Variants in ABI3BP observed in about 807,000 individuals in gnomAD.
The protein encoded by ABI3BP is ABI family member 3 binding protein.
ABI3BP carries 216 observed loss-of-function variants against 268.6 expected under a neutral mutation model. The ratio of observed to expected loss-of-function variants is 0.80; its 90% CI spans 0.72 to 0.90. ABI3BP has a LOEUF of 0.90. Ranked by LOEUF, ABI3BP falls within the 40% of genes least tolerant of loss-of-function variation. The pLI is 0.00. For synonymous variants in ABI3BP, 730 were observed against 730.0 expected (o/e 1.00, Z 0.00); for missense variants, 2,090 against 2,182.4 (o/e 0.96, Z 0.84).
intron 6 of ABI3BP, among the ~76,000 whole-genome samples, chr3:100,878,878 G>T (rs768089123): frequency 1.1e-4 from 17 of 152,028 alleles, no homozygotes; most frequent in Non-Finnish European, 1.8e-4. Flanking sequence ...TTTATTTTTT[G>T]CTATTTTTAA....
At chr3:100,900,808 G>A (rs2049953111) in intron 3 of ABI3BP, among the ~76,000 whole-genome samples, 1 of 152,154 alleles carries the variant, frequency 6.6e-6, no homozygotes, top group Non-Finnish European at 1.5e-5. Flanking sequence ...GTTATATCCT[G>A]AGCAAGATGA....
At chr3:100,887,121 C>A (rs994204989) in intron 4 of ABI3BP, among the ~76,000 whole-genome samples, 15 of 151,930 alleles carry the variant, frequency 9.9e-5, no homozygotes, top group African/African-American at 3.1e-4. Context: ...CTTAACTTGC[C>A]CAATATCACC....
intron 1 of ABI3BP, among the ~76,000 whole-genome samples, chr3:100,928,985 C>G (rs2062762479): frequency 6.6e-6 from 1 of 152,026 alleles, no homozygotes; most frequent in South Asian, 2.1e-4. Flanking sequence ...TCAATTTTTT[C>G]CCTTTTTAAT....
At chr3:100,760,933 A>G (rs1164239933) in intron 63 of ABI3BP, among the ~76,000 whole-genome samples, 1 of 151,946 alleles carries the variant, frequency 6.6e-6, no homozygotes, top group Non-Finnish European at 1.5e-5. Flanking sequence ...TTTGTTATGT[A>G]GGTAAACTCA....
intron 20 of ABI3BP, among the ~76,000 whole-genome samples, chr3:100,845,610 G>A (rs2098757114): frequency 6.7e-6 from 1 of 149,496 alleles, no homozygotes; most frequent in Admixed American, 6.7e-5. Context: ...ACATTATTGT[G>A]AGAAATAATT....
chr3:100,970,260 G>T (rs914163664), intron 1 of ABI3BP, among the ~76,000 whole-genome samples: 1 of 152,184 alleles, frequency 6.6e-6, no homozygotes, highest in Non-Finnish European at 1.5e-5. Context: ...ATTAGGCTTC[G>T]TACTCCATAA....
chr3:100,875,560 G>T lies in ABI3BP; in HGVS notation c.765C>A (p.His255Gln). 1 of 1,613,112 alleles carries T rather than the reference G, an allele frequency of 6.2e-7. No individual in the cohort carries two copies. The highest frequency in any genetic ancestry group is 8.5e-7 in the Non-Finnish European group (1 of 1,179,118). ...TTTCTGGGGATTTAGCTGAATCCTTGTGAGTAACATTCTGAATCACTGTTG... is the reference window on the plus strand; with the variant it reads ...TTTCTGGGGATTTAGCTGAATCCTTTTGAGTAACATTCTGAATCACTGTTG... ...IIKQVIQNVT[H>Q]KDSAKSPEKA... Residue 255 changes from histidine (H) to glutamine (Q), a missense_variant, in exon 8 of 68, where the codon CAC becomes CAA. His to Gln is a conservative substitution (Grantham distance 24). Transcript: ENST00000471714.
intron 55 of ABI3BP, among the ~76,000 whole-genome samples, chr3:100,792,296 G>A (rs923361825): frequency 6.6e-6 from 1 of 151,636 alleles, no homozygotes; most frequent in African/African-American, 2.4e-5. Flanking sequence ...ATTGGAGAAA[G>A]TGAGAAAAGG....
chr3:100,974,055 C>T (rs1246912196), intron 1 of ABI3BP, among the ~76,000 whole-genome samples: 1 of 151,964 alleles, frequency 6.6e-6, no homozygotes, highest in Non-Finnish European at 1.5e-5. Context: ...CAAAACTTAC[C>T]TGACTCTTTC....
At chr3:100,820,783 T>A (rs2098194488) in intron 39 of ABI3BP, among the ~76,000 whole-genome samples, 1 of 152,144 alleles carries the variant, frequency 6.6e-6, no homozygotes, top group Admixed American at 6.6e-5. Context: ...AACAAAAAAA[T>A]TGGTTAAAAA....
rs367723570 is a variant in ABI3BP at position 100,880,591 on chromosome 3, A to G, written c.697-4031T>C. Among the ~76,000 whole-genome samples, 66 of 152,210 alleles carry G rather than the reference A, an allele frequency of 4.3e-4. No homozygotes were observed. In the Middle Eastern group the frequency reaches 0.014, roughly 31 times the overall value. ...TGTGGCGAAGCATGCAGTTGGTGAC[A>G]CTCAATAAGGAGAGACTACTAGAGT... is the stretch of plus-strand genomic sequence containing the variant. On this transcript the variant is annotated intron_variant, in intron 6 of 67. Transcript: ENST00000471714.
intron 61 of ABI3BP, among the ~76,000 whole-genome samples, chr3:100,772,839 G>A (rs1213183797): frequency 6.6e-6 from 1 of 152,114 alleles, no homozygotes; most frequent in Non-Finnish European, 1.5e-5. Flanking sequence ...AGCACTTTGG[G>A]AGGCCGAGAT....
intron 62 of ABI3BP, among the ~76,000 whole-genome samples, chr3:100,767,603 A>AG (rs2096341712): frequency 6.6e-6 from 1 of 152,070 alleles, no homozygotes; most frequent in South Asian, 2.1e-4. Context: ...TGATTAAAAA[A>AG]AAAAAAAAAG....
At chr3:100,753,404 G>A (rs547640001) in intron 65 of ABI3BP, among the ~76,000 whole-genome samples, 12 of 151,688 alleles carry the variant, frequency 7.9e-5, no homozygotes, top group Non-Finnish European at 1.8e-4. Context: ...TCCCACCTCA[G>A]CCTCCCAAGT....
In ABI3BP at chr3:100,749,392, A is replaced by C. The variant is rs1252463629; in HGVS notation, c.*1103T>G. 2 of 362,276 alleles carry C rather than the reference A, an allele frequency of 5.5e-6. No individual in the cohort carries two copies. The highest frequency in any genetic ancestry group is 9.8e-6 in the Non-Finnish European group (2 of 203,614). The allele number at this position is 362,276 out of a possible 1,614,324, so 22.4% of individuals were successfully genotyped here. A position where few individuals can be genotyped will look rare whatever the true frequency, so the allele number is the denominator to read the frequency against. ...TTTATACTTGTTTGAAAAATACAAA[A>C]TGTAGCGTTGATAAGATTGAAGCAT... On this transcript the variant is annotated 3_prime_UTR_variant, in exon 68 of 68. Transcript: ENST00000471714.
chr3:100,834,302 G>A (rs2152839458), intron 29 of ABI3BP, among the ~76,000 whole-genome samples: 1 of 152,188 alleles, frequency 6.6e-6, no homozygotes, highest in Non-Finnish European at 1.5e-5. Context: ...CTATTATGAA[G>A]AGTCTCACAC....
At chr3:100,846,065 G>A (rs950540031) in intron 20 of ABI3BP, among the ~76,000 whole-genome samples, 8 of 152,096 alleles carry the variant, frequency 5.3e-5, no homozygotes, top group Non-Finnish European at 1.0e-4. Flanking sequence ...TATTGTTCAT[G>A]AGATTAGAAT....
intron 6 of ABI3BP, among the ~76,000 whole-genome samples, chr3:100,883,125 C>T (rs1157764619): frequency 6.6e-6 from 1 of 151,954 alleles, no homozygotes; most frequent in Non-Finnish European, 1.5e-5. Context: ...AATACATAGC[C>T]TAATCAATAT....
At position 100,825,771 on chromosome 3, in the gene ABI3BP, T is replaced by C. The variant is rs1213401914; in HGVS notation, c.2662+14A>G. ...AGCACTTGGCAAACAGCCAGGTAAT[T>C]GTAGGGTCGTTACCTAAGGTTGTTG... On this transcript the variant is annotated intron_variant, in intron 35 of 67. Coordinates refer to ENST00000471714, the MANE Select transcript of ABI3BP (RefSeq NM_001375547.2). The C allele has an allele frequency of 2.0e-6, 3 of 1,531,442 alleles. No individual in the cohort carries two copies. Among genetic ancestry groups the C allele is most frequent in the African/African-American group, 2.7e-5 (2 of 72,914 alleles). 94.9% of individuals were successfully genotyped at this position (1,531,442 alleles called of 1,614,324 possible). A position where few individuals can be genotyped will look rare whatever the true frequency, so the allele number is the denominator to read the frequency against.
Sources: gnomAD v4.1 joint callset for allele counts (sites outside exome capture counted in the v4.1 genomes callset) on GRCh38, gnomAD v4.1.1 for gene constraint, MANE v1.5 for transcripts, NCBI Gene and HGNC (gene_info 2026-07-23, HGNC 2026-07-21) for gene names.